COL3A1: variants seen among roughly 807,000 people sequenced by gnomAD.
COL3A1 encodes the protein collagen alpha-1(III) chain.
COL3A1 carries 46 observed loss-of-function variants against 200.9 expected under a neutral mutation model. The ratio of observed to expected loss-of-function variants is 0.23; its 90% CI spans 0.18 to 0.29. COL3A1 has a LOEUF of 0.29. COL3A1 is among the 10% of genes least tolerant of loss of function. The pLI is 1.00. For synonymous variants in COL3A1, 650 were observed against 628.0 expected (o/e 1.03, Z -0.52); for missense variants, 1,367 against 1,917.6 (o/e 0.71, Z 5.36).
At chr2:188,984,263 T>C (rs1190367054) in intron 1 of COL3A1, among the ~76,000 whole-genome samples, 2 of 151,972 alleles carry the variant, frequency 1.3e-5, no homozygotes, top group Non-Finnish European at 2.9e-5. Context: ...GAAAATCTGG[T>C]AGAGTTTTAT....
rs1469239828 is a variant in COL3A1 at position 188,995,794 on chromosome 2, C to T, written c.1608+4C>T. On this transcript the variant is annotated splice_donor_region_variant and intron_variant, in intron 22 of 50. Transcript: ENST00000304636. Reference sequence around the variant, plus strand: ...CCCTGGAGGTCCAGGAATGAGGGTACAGAGAAACATTTGTTTGAATGACAC... The same window carrying T: ...CCCTGGAGGTCCAGGAATGAGGGTATAGAGAAACATTTGTTTGAATGACAC... 1.3e-6 allele frequency: 2 copies of T among 1,553,270 alleles called. No homozygotes were observed. Among genetic ancestry groups the T allele is most frequent in the Non-Finnish European group, 1.7e-6 (2 of 1,146,626 alleles).
chr2:188,998,750 A>G, intron 29 of COL3A1, 32 bp downstream of exon 29: 2 of 1,599,538 alleles, frequency 1.3e-6, no homozygotes, highest in African/African-American at 1.3e-5. Flanking sequence ...TACCTTCTTC[A>G]GCAGGTTATA....
At chr2:188,982,989 A>G (rs532093928) in intron 1 of COL3A1, among the ~76,000 whole-genome samples, 8 of 151,874 alleles carry the variant, frequency 5.3e-5, no homozygotes, top group African/African-American at 1.9e-4. Flanking sequence ...CAATGTGTAA[A>G]TGACTGTTTG....
Position 189,012,718 on chromosome 2 carries a change from A to C in COL3A1, c.*944A>C, listed in dbSNP as rs947974245. The C allele has an allele frequency of 6.6e-5, 10 of 152,568 alleles. No individual in the cohort carries two copies. The East Asian group carries it at 1.9e-3, about 29-fold the overall frequency. 9.5% of individuals were successfully genotyped at this position (152,568 alleles called of 1,614,324 possible). ...GTTGATCTTTTTTTTCCTTACAGAC[A>C]CCCATAATAAAATATCATATTAAAA... is the stretch of plus-strand genomic sequence containing the variant. On this transcript the variant is annotated 3_prime_UTR_variant, in exon 51 of 51. Coordinates refer to ENST00000304636, the MANE Select transcript of COL3A1 (RefSeq NM_000090.4).
chr2:188,998,326 T>TA lies in COL3A1; in HGVS notation c.1977+8dup, dbSNP rs1553508546. 1 of 1,612,312 alleles carries TA rather than the reference T, an allele frequency of 6.2e-7. No individual in the cohort carries two copies. Among genetic ancestry groups the TA allele is most frequent in the African/African-American group, 1.3e-5 (1 of 74,904 alleles). ...TGGAAAACCTGGGGAACCAGTAAGT[T>TA]ACGTTTCATTATTCAAAACTCAGAA... On this transcript the variant is annotated splice_region_variant and intron_variant, in intron 28 of 50. Transcript: ENST00000304636.
At chr2:189,004,499 A>AT in intron 40 of COL3A1, 135 bp downstream of exon 40, 1 of 820,638 alleles carries the variant, frequency 1.2e-6, no homozygotes, top group Non-Finnish European at 1.9e-6. Flanking sequence ...TTATTTTTAG[A>AT]TTTTTAAAAG....
In COL3A1 at chr2:188,993,376, G is replaced by C; in HGVS notation, c.1066G>C (p.Ala356Pro). The part of the protein sequence containing the change: ...SPGAKGEVGP[A>P]GSPGSNGAPG... ...TTACCATTAGGGTGAAGTTGGACCT[G>C]CAGGGTCTCCTGGTTCAAATGGTGC... The change falls in exon 16 of 51, where the codon GCA becomes CCA. Residue 356 changes from alanine to proline, a missense_variant. Coordinates refer to ENST00000304636, the MANE Select transcript of COL3A1 (RefSeq NM_000090.4). 2 of 1,570,274 alleles carry C rather than the reference G, an allele frequency of 1.3e-6. No individual in the cohort carries two copies. Among genetic ancestry groups the C allele is most frequent in the East Asian group, 4.7e-5 (2 of 42,568 alleles).
Position 189,007,942 on chromosome 2 carries a change from A to T in COL3A1, c.3417+4A>T. On this transcript the variant is annotated splice_donor_region_variant and intron_variant, in intron 46 of 50. Transcript: ENST00000304636. ...TCCAGGACCTGCAGGCCCCAGAGTAAGTAGCACAGAAAGATATTACAGGTC... is the reference window on the plus strand; with the variant it reads ...TCCAGGACCTGCAGGCCCCAGAGTATGTAGCACAGAAAGATATTACAGGTC... 1 of 1,614,162 alleles carries T rather than the reference A, an allele frequency of 6.2e-7. No homozygotes were observed. The highest frequency in any genetic ancestry group is 8.5e-7 in the Non-Finnish European group (1 of 1,180,022).
intron 41 of COL3A1, among the ~76,000 whole-genome samples, 162 bp from the exon 42 acceptor site, chr2:189,006,044 C>A (rs1170447601): frequency 6.6e-6 from 1 of 152,028 alleles, no homozygotes; most frequent in Non-Finnish European, 1.5e-5. Flanking sequence ...GACATTGTGA[C>A]CCTTTGAAGG....
chr2:188,995,099 G>T lies in COL3A1; in HGVS notation c.1509G>T (p.Lys503Asn). The T allele has an allele frequency of 6.2e-7, 1 of 1,614,026 alleles. No individual in the cohort carries two copies. The highest frequency in any genetic ancestry group is 1.1e-5 in the South Asian group (1 of 91,068). Residue 503 changes from lysine (K) to asparagine (N), a missense_variant and splice_region_variant, in exon 21 of 51, where the codon AAG becomes AAT. Around this residue, in one of 5 missense-constraint regions of COL3A1, gnomAD observed 462 missense variants for 681.4 expected, o/e 0.68. Coordinates refer to ENST00000304636, the MANE Select transcript of COL3A1 (RefSeq NM_000090.4). ...GACCAAATGGCATCCCAGGAGAAAA[G>T]GTAGATAACTTTAGTTTCTATGTTC... Reference protein sequence around the residue: ...PAGPNGIPGEKGPAGERGAPG... With the variant: ...PAGPNGIPGENGPAGERGAPG...
intron 1 of COL3A1, among the ~76,000 whole-genome samples, chr2:188,984,472 T>C (rs1688021353): frequency 6.6e-6 from 1 of 152,090 alleles, no homozygotes. Context: ...TTGTGTGATA[T>C]ACATTGATGT....
chr2:188,984,561 C>T (rs759497009), intron 1 of COL3A1, among the ~76,000 whole-genome samples, 199 bp from the exon 2 acceptor site: 2 of 151,904 alleles, frequency 1.3e-5, no homozygotes, highest in Non-Finnish European at 2.9e-5. Flanking sequence ...TTTATGTTAA[C>T]AAGCAGATAT....
rs1393524420 is a variant in COL3A1 at position 189,004,358 on chromosome 2, T to G, written c.2925T>G (p.Gly975=). Residue 975 remains glycine (G), a synonymous_variant, in exon 40 of 51, where the codon GGT becomes GGG. Transcript: ENST00000304636. ...CTAGGGGAAGCCCTGGCCCTCAGGG[T>G]GTCAAGGTGAGTATAGTCATTTTCC... The part of the protein sequence containing the change: ...PGPRGSPGPQ[G]VKGESGKPGA... 6.3e-7 allele frequency: 1 copy of G among 1,593,074 alleles called. No individual in the cohort carries two copies. The highest frequency in any genetic ancestry group is 8.5e-7 in the Non-Finnish European group (1 of 1,169,706).
chr2:188,989,730 T>A (rs1688146128), intron 8 of COL3A1, among the ~76,000 whole-genome samples: 1 of 152,146 alleles, frequency 6.6e-6, no homozygotes, highest in Non-Finnish European at 1.5e-5. Context: ...GAGAAATAGG[T>A]GTCTCTGCCT....
intron 44 of COL3A1, among the ~76,000 whole-genome samples, chr2:189,007,209 A>AGATAGAAC: frequency 8.0e-6 from 1 of 125,006 alleles, no homozygotes; most frequent in African/African-American, 2.9e-5. Flanking sequence ...ATAGATAGAT[A>AGATAGAAC]GAACAAATAT....
Position 188,987,149 on chromosome 2 carries a change from A to G in COL3A1, c.528+10A>G. The G allele has an allele frequency of 6.2e-7, 1 of 1,605,922 alleles. No individual in the cohort carries two copies. Among genetic ancestry groups the G allele is most frequent in the South Asian group, 1.1e-5 (1 of 90,930 alleles). On this transcript the variant is annotated intron_variant, in intron 5 of 50. Transcript: ENST00000304636. ...CTATCCTGGACCAGCTGTACGTACAAATGTTTCTCAGCATTTTGGAGCTTT... is the reference window on the plus strand; with the variant it reads ...CTATCCTGGACCAGCTGTACGTACAGATGTTTCTCAGCATTTTGGAGCTTT...
At position 188,994,571 on chromosome 2, in the gene COL3A1, G is replaced by C; in HGVS notation, c.1324G>C (p.Glu442Gln). ...GEPGKNGAKG[E>Q]PGPRGERGEA... The stretch of plus-strand genomic sequence containing the variant: ...GCCTGGTAAGAATGGTGCCAAAGGA[G>C]AGCCCGGACCACGTGGTGAACGCGT... Residue 442 changes from glutamate (E) to glutamine (Q), a missense_variant, in exon 19 of 51, where the codon GAG becomes CAG. Transcript: ENST00000304636. The surrounding 1 kb of genome is among the most constrained non-coding windows in gnomAD (Gnocchi z 4.5). 3 of 1,614,152 alleles carry C rather than the reference G, an allele frequency of 1.9e-6. No homozygotes were observed. Among genetic ancestry groups the C allele is most frequent in the Non-Finnish European group, 2.5e-6 (3 of 1,180,036 alleles).
chr2:188,981,459 G>A (rs1687951509), intron 1 of COL3A1, among the ~76,000 whole-genome samples: 1 of 151,474 alleles, frequency 6.6e-6, no homozygotes. Context: ...GGAACAGAGA[G>A]ATTTAGTTTA....
At chr2:188,974,677 C>G (rs1335633362) in intron 1 of COL3A1, 109 bp downstream of exon 1, 1 of 845,384 alleles carries the variant, frequency 1.2e-6, no homozygotes, top group Non-Finnish European at 2.0e-6. Flanking sequence ...ATAATTTCCT[C>G]TATAAGCTCC....
Sources: gnomAD v4.1 joint callset for allele counts (sites outside exome capture counted in the v4.1 genomes callset) on GRCh38, gnomAD v4.1.1 for gene constraint, gnomAD v4.1.1 regional missense constraint, Gnocchi (gnomAD v3.1) non-coding constraint, MANE v1.5 for transcripts, NCBI Gene and HGNC (gene_info 2026-07-23, HGNC 2026-07-21) for gene names.